DCAF15: variants seen among roughly 807,000 people sequenced by gnomAD.
The protein encoded by DCAF15 is DDB1- and CUL4-associated factor 15.
A neutral mutation model predicts 68.0 loss-of-function variants in DCAF15; 24 were observed. That is an observed-to-expected ratio of 0.35 (90% CI 0.26 to 0.50). The LOEUF is 0.50. Among genes scored for constraint, DCAF15 ranks in the 20% least tolerant of loss-of-function variants. The probability of loss-of-function intolerance (pLI) is 0.98; values close to 1 mark genes in which losing one functional copy is unlikely to be tolerated. For synonymous variants in DCAF15, 376 were observed against 341.6 expected, an observed-to-expected ratio of 1.10 and a Z score of -1.11; for missense variants, 627 against 830.6, an observed-to-expected ratio of 0.75 and a Z score of 3.01.
chr19:13,955,089 G>A (rs1042595611), intron 3 of DCAF15, among the ~76,000 whole-genome samples: 13 of 151,634 alleles, frequency 8.6e-5, no homozygotes, highest in African/African-American at 3.2e-4. Context: ...CTGGGCAACA[G>A]AGTGAGACCC....
At chr19:13,956,776 G>A (rs1181629284) in intron 6 of DCAF15, among the ~76,000 whole-genome samples, 1 of 152,254 alleles carries the variant, frequency 6.6e-6, no homozygotes, top group Non-Finnish European at 1.5e-5. Flanking sequence ...TCATGTGACT[G>A]AGGAACTGAG....
rs1973621713 is a variant in DCAF15 at position 13,961,185 on chromosome 19, A to G, written c.*190A>G. 3.0e-6 allele frequency: 2 copies of G among 669,328 alleles called. No individual in the cohort carries two copies. The highest frequency in any genetic ancestry group is 5.1e-6 in the Non-Finnish European group (2 of 394,858). The allele number at this position is 669,328 out of a possible 1,614,324, so 41.5% of individuals were successfully genotyped here. ...GTCTGGACGCTTTTTATTTATGCCT[A>G]TTTAAGTTGGGAAGGGGCAGAGAGA... is the stretch of plus-strand genomic sequence containing the variant. On this transcript the variant is annotated 3_prime_UTR_variant, in exon 13 of 13. Coordinates refer to ENST00000254337, the MANE Select transcript of DCAF15 (RefSeq NM_138353.4).
At chr19:13,957,721 C>A (rs1309041983) in intron 6 of DCAF15, among the ~76,000 whole-genome samples, 8 of 152,048 alleles carry the variant, frequency 5.3e-5, no homozygotes, top group Admixed American at 5.2e-4. Flanking sequence ...CCAGTGTGGC[C>A]AACACGGTGA....
chr19:13,956,884 A>C (rs1973387268), intron 6 of DCAF15, among the ~76,000 whole-genome samples: 1 of 152,072 alleles, frequency 6.6e-6, no homozygotes, highest in South Asian at 2.1e-4. Context: ...GCCTCCCGAG[A>C]AGCTGGGACT....
chr19:13,959,716 C>T (rs1973521015), intron 8 of DCAF15, 43 bp downstream of exon 8: 1 of 1,612,572 alleles, frequency 6.2e-7, no homozygotes, highest in Non-Finnish European at 8.5e-7. Context: ...TCCCGGGGAG[C>T]TGCCGGGGGG....
chr19:13,960,570 G>T lies in DCAF15; in HGVS notation c.1737G>T (p.Ala579=). 1 of 1,588,980 alleles carries T rather than the reference G, an allele frequency of 6.3e-7. No homozygotes were observed. The highest frequency in any genetic ancestry group is 8.6e-7 in the Non-Finnish European group (1 of 1,169,166). Residue 579 remains alanine (A), a synonymous_variant, in exon 12 of 13, where the codon GCG becomes GCT. Coordinates refer to ENST00000254337, the MANE Select transcript of DCAF15 (RefSeq NM_138353.4). ...ACGTCAACAGGATGACCAATGAGGC[G>T]CTGCACAAAGGTGGGGCTCGGTGAC... is the stretch of plus-strand genomic sequence containing the variant. ...GRYVNRMTNE[A]LHKGCSLKVL... is the part of the protein sequence containing the mutation.
At chr19:13,952,963 A>G in intron 1 of DCAF15, 1 of 971,634 alleles carries the variant, frequency 1.0e-6, no homozygotes, top group South Asian at 1.6e-5. Flanking sequence ...GAAGGGGGCG[A>G]TCCAGGCTTT....
Position 13,956,270 on chromosome 19 carries a change from G to A in DCAF15, c.613+8G>A, listed in dbSNP as rs1322531823. ...CCAGCCGAGCCCACCCAGGTGAGGG[G>A]GCCGAGGGGGCGAGGGCCTCTTCCC... On this transcript the variant is annotated splice_region_variant and intron_variant, in intron 5 of 12. Coordinates refer to ENST00000254337, the MANE Select transcript of DCAF15 (RefSeq NM_138353.4). The A allele has an allele frequency of 1.2e-6, 2 of 1,612,044 alleles. No individual in the cohort carries two copies. Among genetic ancestry groups the A allele is most frequent in the South Asian group, 2.2e-5 (2 of 91,006 alleles).
chr19:13,955,131 C>A (rs7247526), intron 3 of DCAF15, among the ~76,000 whole-genome samples: 10,776 of 151,636 alleles, frequency 0.071, 1,267 homozygotes, highest in African/African-American at 0.24. Flanking sequence ...CAAAACAAAA[C>A]AAATGAAGGC....
rs148856757 is a variant in DCAF15 at position 13,959,613 on chromosome 19, C to G, written c.1251C>G (p.Phe417Leu). The G allele has an allele frequency of 6.2e-7, 1 of 1,612,608 alleles. No individual in the cohort carries two copies. Among genetic ancestry groups the G allele is most frequent in the South Asian group, 1.1e-5 (1 of 91,064 alleles). Reference protein sequence around the residue: ...ELEDDKISLPFVVTDLRGRNL... With the variant: ...ELEDDKISLPLVVTDLRGRNL... ...AGGACGACAAGATCTCCCTGCCCTT[C>G]GTGGTGACTGATCTTCGTGGCCGCA... The change falls in exon 8 of 13, where the codon TTC (phenylalanine) becomes TTG (leucine). Residue 417 changes from phenylalanine (F) to leucine (L), a missense_variant. By Grantham distance (22) the Phe-to-Leu change is conservative. This residue lies in a region of DCAF15 where 236 missense variants were observed against 225.1 expected (regional missense o/e 1.05). Coordinates refer to ENST00000254337, the MANE Select transcript of DCAF15 (RefSeq NM_138353.4).
chr19:13,960,097 TCCACTAGGGGGG>T, intron 10 of DCAF15, 28 bp downstream of exon 10: 1 of 1,611,588 alleles, frequency 6.2e-7, no homozygotes, highest in Non-Finnish European at 8.5e-7. Flanking sequence ...GCCCTCTCTG[TCCACTAGGGGGG>T]CCACTGGCAG....
chr19:13,959,720 CG>C, intron 8 of DCAF15, 46 bp from the exon 9 acceptor site: 1 of 1,612,522 alleles, frequency 6.2e-7, no homozygotes, highest in Non-Finnish European at 8.5e-7. Flanking sequence ...GGGGAGCTGC[CG>C]GGGGGCAGTT....
chr19:13,960,968 C>T lies in DCAF15; in HGVS notation c.1776C>T (p.Ser592=), dbSNP rs374733611. ...KGCSLKVLAD[S]ERYTWIVL ...GCTCCCTGAAGGTTCTGGCGGACAGCGAGCGATATACGTGGATCGTGCTGT... is the reference window on the plus strand; with the variant it reads ...GCTCCCTGAAGGTTCTGGCGGACAGTGAGCGATATACGTGGATCGTGCTGT... Residue 592 remains serine (S), a synonymous_variant, in exon 13 of 13, where the codon AGC becomes AGT. Transcript: ENST00000254337. 10 of 1,613,848 alleles carry T rather than the reference C, an allele frequency of 6.2e-6. No individual in the cohort carries two copies. The highest frequency in any genetic ancestry group is 8.5e-6 in the Non-Finnish European group (10 of 1,180,020).
In DCAF15 at chr19:13,959,661, G is replaced by A; in HGVS notation, c.1299G>A (p.Arg433=). Residue 433 remains arginine (R), a synonymous_variant, in exon 8 of 13, where the codon CGG becomes CGA. Coordinates refer to ENST00000254337, the MANE Select transcript of DCAF15 (RefSeq NM_138353.4). The stretch of plus-strand genomic sequence containing the variant: ...GCAACCTGCGGCCCATGCGGGAGCG[G>A]ACTGCTGTCCAGGTGGGTGTGGGCA... ...RGRNLRPMRE[R]TAVQGQYLTV... 1 of 1,613,438 alleles carries A rather than the reference G, an allele frequency of 6.2e-7. No homozygotes were observed. Among genetic ancestry groups the A allele is most frequent in the South Asian group, 1.1e-5 (1 of 91,074 alleles).
intron 6 of DCAF15, 82 bp from the exon 7 acceptor site, chr19:13,958,962 TG>T: frequency 1.3e-6 from 2 of 1,481,504 alleles, no homozygotes; most frequent in Non-Finnish European, 1.8e-6. Context: ...CTCCTTAAGG[TG>T]GGTTTCTGAA....
Position 13,959,671 on chromosome 19 carries a change from C to T in DCAF15, c.1309C>T (p.Gln437Ter). ...GCCCATGCGGGAGCGGACTGCTGTC[C>T]AGGTGGGTGTGGGCAGTGGGCGGGC... ...LRPMRERTAVQGQYLTVEQLT... is the reference protein window; with the variant it reads ...LRPMRERTAV The change falls in exon 8 of 13, where the codon CAG (glutamine) becomes TAG (stop). Residue 437 changes from glutamine (Q) to a stop codon, truncating the protein, a stop_gained and splice_region_variant. Coordinates refer to ENST00000254337, the MANE Select transcript of DCAF15 (RefSeq NM_138353.4). LOFTEE classifies it high-confidence loss of function. 2 of 1,613,392 alleles carry T rather than the reference C, an allele frequency of 1.2e-6. No homozygotes were observed. The highest frequency in any genetic ancestry group is 2.2e-5 in the East Asian group (1 of 44,850).
chr19:13,958,953 T>C, intron 6 of DCAF15, 92 bp from the exon 7 acceptor site: 1 of 1,456,186 alleles, frequency 6.9e-7, no homozygotes, highest in Non-Finnish European at 9.2e-7. Flanking sequence ...TAGAAGTGTC[T>C]CCTTAAGGTG....
chr19:13,956,796 C>CT (rs1245483832), intron 6 of DCAF15, among the ~76,000 whole-genome samples: 1 of 152,172 alleles, frequency 6.6e-6, no homozygotes, highest in African/African-American at 2.4e-5. Flanking sequence ...GCTTGTGATA[C>CT]TTTTTTTTCC....
chr19:13,954,775 GTCA>G (rs1973278826), intron 3 of DCAF15, 114 bp downstream of exon 3: 2 of 1,166,824 alleles, frequency 1.7e-6, no homozygotes, highest in African/African-American at 1.5e-5. Context: ...TACTCCTGGG[GTCA>G]TCATCAAGAT....
Sources: gnomAD v4.1 joint callset for allele counts (sites outside exome capture counted in the v4.1 genomes callset) on GRCh38, gnomAD v4.1.1 for gene constraint, gnomAD v4.1.1 regional missense constraint, MANE v1.5 for transcripts, NCBI Gene and HGNC (gene_info 2026-07-23, HGNC 2026-07-21) for gene names.